SPAG11B: variants seen among roughly 807,000 people sequenced by gnomAD.
SPAG11B encodes sperm-associated antigen 11B.
In SPAG11B, 5 loss-of-function variants were observed where a neutral mutation model predicts 8.9. That is an observed-to-expected ratio of 0.56 (90% CI 0.29 to 1.19). The LOEUF is 1.19. Among genes scored for constraint, SPAG11B ranks in the 50% most tolerant of loss-of-function variants. The pLI, the probability that SPAG11B is intolerant of heterozygous loss-of-function variation, is 0.08. For synonymous variants in SPAG11B, 12 were observed against 53.0 expected, an observed-to-expected ratio of 0.23 and a Z score of 3.36; for missense variants, 38 against 146.4, an observed-to-expected ratio of 0.26 and a Z score of 3.82.
chr8:7,449,304 TG>T (rs1809984962), downstream of SPAG11B: 1 of 353,870 alleles, frequency 2.8e-6, no homozygotes, highest in Admixed American at 3.6e-5. Flanking sequence ...CCCATCCTTA[TG>T]GAACCAGGCT....
downstream of SPAG11B, among the ~76,000 whole-genome samples, chr8:7,450,160 T>TA (rs1249065866): frequency 1.6e-5 from 2 of 128,334 alleles, 1 homozygote; most frequent in Non-Finnish European, 3.3e-5. Context: ...CTTTCATTCC[T>TA]AAAATGGACC....
downstream of SPAG11B, among the ~76,000 whole-genome samples, chr8:7,450,279 G>C (rs572131042): frequency 6.9e-6 from 1 of 145,912 alleles, no homozygotes; most frequent in African/African-American, 2.6e-5. Context: ...TGACCTGTTG[G>C]TGTTATTGCT....
At chr8:7,459,462 T>C (rs1241290303) in intron 2 of SPAG11B, among the ~76,000 whole-genome samples, 3 of 147,126 alleles carry the variant, frequency 2.0e-5, no homozygotes, top group Non-Finnish European at 3.0e-5. Flanking sequence ...CATGGACTAA[T>C]TGAAAGACTA....
intron 2 of SPAG11B, among the ~76,000 whole-genome samples, chr8:7,453,804 G>C (rs1488922509): frequency 1.3e-5 from 2 of 148,530 alleles, no homozygotes; most frequent in African/African-American, 5.1e-5. Flanking sequence ...ATGTGCCCTG[G>C]CAGGGACTCT....
At chr8:7,453,002 G>A (rs1418172718) in intron 2 of SPAG11B, among the ~76,000 whole-genome samples, 4 of 147,100 alleles carry the variant, frequency 2.7e-5, no homozygotes, top group Non-Finnish European at 6.0e-5. Context: ...CAAAAATTTG[G>A]CAAAATTCAC....
Position 7,451,126 on chromosome 8 carries a change from G to C in SPAG11B, c.215-226C>G, listed in dbSNP as rs1398351104. The C allele has an allele frequency of 8.4e-6, 13 of 1,555,892 alleles. 2 individuals are homozygous for C. The highest frequency in any genetic ancestry group is 1.1e-5 in the Non-Finnish European group (13 of 1,140,540). ...GGGTGTGTTTTATGAATGCTCACCT[G>C]GCCCATCTAGGCCCTAAAAAGTCCA... is the stretch of plus-strand genomic sequence containing the variant. On this transcript the variant is annotated intron_variant, in intron 2 of 2. Coordinates refer to ENST00000398462, the MANE Select transcript of SPAG11B (RefSeq NM_058201.4).
chr8:7,450,344 CAGG>C (rs1810038554), downstream of SPAG11B, among the ~76,000 whole-genome samples: 1 of 146,942 alleles, frequency 6.8e-6, no homozygotes. Flanking sequence ...GGTGAATAAG[CAGG>C]AGAAGGCTAG....
chr8:7,458,586 G>A (rs1301828076), intron 2 of SPAG11B, among the ~76,000 whole-genome samples: 2 of 70,192 alleles, frequency 2.8e-5, no homozygotes, highest in African/African-American at 7.4e-5. Flanking sequence ...AAAGTCACAC[G>A]TTGAGAAAGA....
chr8:7,453,988 T>A (rs1220062592), intron 2 of SPAG11B, among the ~76,000 whole-genome samples: 1 of 144,372 alleles, frequency 6.9e-6, no homozygotes, highest in African/African-American at 2.7e-5. Context: ...TATGAATATT[T>A]GTGAGGGTCC....
At chr8:7,454,109 A>AAAGG (rs1367631408) in intron 2 of SPAG11B, among the ~76,000 whole-genome samples, 2 of 130,406 alleles carry the variant, frequency 1.5e-5, no homozygotes, top group Non-Finnish European at 3.2e-5. Flanking sequence ...AGAAAGAAAG[A>AAAGG]AAGAAAAGCA....
At chr8:7,454,082 C>CAAA (rs1332122490) in intron 2 of SPAG11B, among the ~76,000 whole-genome samples, 1 of 67,920 alleles carries the variant, frequency 1.5e-5, no homozygotes, top group Non-Finnish European at 2.8e-5. Context: ...TGAAATCTCT[C>CAAA]AAAAAAAAAA....
At chr8:7,447,913 T>C, downstream of SPAG11B, 1 of 983,168 alleles carries the variant, frequency 1.0e-6, no homozygotes, top group Non-Finnish European at 1.4e-6. Context: ...GCTCTTCGGC[T>C]GCAGAGAGCT....
intron 2 of SPAG11B, chr8:7,451,117 T>G (rs1810118968): frequency 3.2e-6 from 5 of 1,552,610 alleles, no homozygotes; most frequent in Non-Finnish European, 4.4e-6. Context: ...GTTTTATGAA[T>G]GCTCACCTGG....
downstream of SPAG11B, chr8:7,450,416 A>C (rs1585501147): frequency 4.2e-6 from 4 of 954,682 alleles, no homozygotes; most frequent in East Asian, 1.2e-4. Context: ...GATTGGTTGC[A>C]TTTATGTCTC....
At chr8:7,448,601 G>T (rs2128870971), downstream of SPAG11B, among the ~76,000 whole-genome samples, 1 of 150,156 alleles carries the variant, frequency 6.7e-6, no homozygotes, top group Non-Finnish European at 1.5e-5. Flanking sequence ...TTGGTCTCTG[G>T]GCTGATCCAG....
At chr8:7,453,834 G>A (rs1361199965) in intron 2 of SPAG11B, among the ~76,000 whole-genome samples, 4 of 148,850 alleles carry the variant, frequency 2.7e-5, no homozygotes, top group African/African-American at 1.0e-4. Flanking sequence ...AGACCTTTCT[G>A]TACCTTGCAA....
intron 2 of SPAG11B, among the ~76,000 whole-genome samples, chr8:7,451,729 T>C (rs1438428750): frequency 2.0e-5 from 3 of 150,742 alleles, no homozygotes; most frequent in Admixed American, 2.0e-4. Context: ...TGGTCTTACT[T>C]CTTCCAATAT....
At chr8:7,459,546 T>TC (rs1477530813) in intron 2 of SPAG11B, among the ~76,000 whole-genome samples, 1 of 148,984 alleles carries the variant, frequency 6.7e-6, no homozygotes, top group African/African-American at 2.5e-5. Flanking sequence ...CCCCGCACAA[T>TC]CCCTATCCCA....
At chr8:7,450,344 C>T (rs1810038433), downstream of SPAG11B, among the ~76,000 whole-genome samples, 1 of 146,942 alleles carries the variant, frequency 6.8e-6, no homozygotes. Context: ...GGTGAATAAG[C>T]AGGAGAAGGC....
Sources: allele counts gnomAD v4.1 joint callset (sites outside exome capture counted in the v4.1 genomes callset), GRCh38; gene constraint gnomAD v4.1.1; transcripts MANE v1.5; gene names NCBI Gene and HGNC (gene_info 2026-07-23, HGNC 2026-07-21).